The following CORO2B variants were observed in gnomAD, a reference collection of about 807,000 sequenced individuals.
CORO2B encodes the protein coronin 2B.
A neutral mutation model predicts 58.8 loss-of-function variants in CORO2B; 26 were observed. The ratio of observed to expected loss-of-function variants is 0.44; its 90% CI spans 0.32 to 0.61. CORO2B has a LOEUF of 0.61. Ranked by LOEUF, CORO2B falls within the 20% of genes least tolerant of loss-of-function variation. The probability of loss-of-function intolerance (pLI) is 0.04; values close to 1 mark genes in which losing one functional copy is unlikely to be tolerated. For missense variants in CORO2B, 460 were observed against 645.1 expected (o/e 0.71, Z 3.11); for synonymous variants, 242 against 253.8 (o/e 0.95, Z 0.44).
chr15:68,624,526 C>T (rs1489140107), intron 1 of CORO2B, among the ~76,000 whole-genome samples: 6 of 152,120 alleles, frequency 3.9e-5, no homozygotes, highest in Admixed American at 1.3e-4. Flanking sequence ...TAGGAACTAC[C>T]GTCCCTTGGG....
At chr15:68,576,152 C>CAAAAAAAAAAAAAAAAAAA (rs3985627), upstream of CORO2B, among the ~76,000 whole-genome samples, 6 of 62,188 alleles carry the variant, frequency 9.6e-5, no homozygotes, top group Non-Finnish European at 1.6e-4. Context: ...GACTACGTCG[C>CAAAAAAAAAAAAAAAAAAA]AAAAAAAAAA....
intron 1 of CORO2B, among the ~76,000 whole-genome samples, chr15:68,616,255 C>T (rs1900354609): frequency 6.6e-6 from 1 of 152,168 alleles, no homozygotes; most frequent in African/African-American, 2.4e-5. Context: ...TGCCTCTTCC[C>T]CATCACCTCA....
chr15:68,714,670 G>A lies in CORO2B; in HGVS notation c.870+7G>A, dbSNP rs1160972344. The A allele has an allele frequency of 1.2e-6, 2 of 1,607,708 alleles. No individual in the cohort carries two copies. Among genetic ancestry groups the A allele is most frequent in the Admixed American group, 3.3e-5 (2 of 60,016 alleles). On this transcript the variant is annotated splice_region_variant and intron_variant, in intron 7 of 11. Transcript: ENST00000261861. Reference sequence around the variant, plus strand: ...GCTCTACCTGGCTGGAAAGGTAGTAGGAGGTGGGGGAGGGCCCGGGGCAGC... The same window carrying A: ...GCTCTACCTGGCTGGAAAGGTAGTAAGAGGTGGGGGAGGGCCCGGGGCAGC...
the CORO2B span, among the ~76,000 whole-genome samples, chr15:68,570,060 T>C: frequency 2.0e-5 from 3 of 152,178 alleles, no homozygotes; most frequent in African/African-American, 7.2e-5. Flanking sequence ...CAAGAGGCCT[T>C]ACAGAGGTGA....
chr15:68,567,135 C>A, the CORO2B span, among the ~76,000 whole-genome samples: 1 of 152,304 alleles, frequency 6.6e-6, no homozygotes, highest in Non-Finnish European at 1.5e-5. Context: ...AGTTCTGTCT[C>A]ACAGCAAGTC....
Position 68,579,187 on chromosome 15 carries a change from T to TCCGCCGCCGCCCCGGGCCG in CORO2B, c.-62_-44dup, listed in dbSNP as rs878930820. ...CGAGCCGGGAGCTGCCGGACCCCCT[T>TCCGCCGCCGCCCCGGGCCG]CCGCCGCCGCCCCGGGCCGCCGCCG... On this transcript the variant is annotated 5_prime_UTR_variant, in exon 1 of 12. Coordinates refer to ENST00000261861, the MANE Select transcript of CORO2B (RefSeq NM_006091.5). 29 of 989,706 alleles carry TCCGCCGCCGCCCCGGGCCG rather than the reference T, an allele frequency of 2.9e-5. No individual in the cohort carries two copies. Among genetic ancestry groups the TCCGCCGCCGCCCCGGGCCG allele is most frequent in the Admixed American group, 1.9e-4 (3 of 15,826 alleles). The allele number at this position is 989,706 out of a possible 1,614,324, so 61.3% of individuals were successfully genotyped here. A position where few individuals can be genotyped will look rare whatever the true frequency, so the allele number is the denominator to read the frequency against.
chr15:68,639,682 A>AC lies in CORO2B; in HGVS notation c.16-5471dup, dbSNP rs200966912. Among the ~76,000 whole-genome samples the AC allele has an allele frequency of 9.8e-3, 1,488 of 151,508 alleles. 22 individuals are homozygous for AC. The highest frequency in any genetic ancestry group is 0.034 in the African/African-American group (1,386 of 41,254). On this transcript the variant is annotated intron_variant, in intron 1 of 11. Transcript: ENST00000261861. ...CGGAGGTCATCCACCTAAATCTTGA[A>AC]CCCCCCCAGGGATGGGAAGCTGACT... is the stretch of plus-strand genomic sequence containing the variant.
the CORO2B span, among the ~76,000 whole-genome samples, chr15:68,539,169 A>G: frequency 2.0e-5 from 3 of 152,210 alleles, no homozygotes; most frequent in Admixed American, 6.5e-5. Flanking sequence ...CACAAGCTGC[A>G]GGAGCCTGCT....
At chr15:68,693,695 T>C (rs537716735) in intron 2 of CORO2B, among the ~76,000 whole-genome samples, 1 of 152,274 alleles carries the variant, frequency 6.6e-6, no homozygotes, top group East Asian at 1.9e-4. Flanking sequence ...TCCCAGGAAG[T>C]CATGGACTGA....
At chr15:68,587,271 G>A (rs1026983241) in intron 1 of CORO2B, among the ~76,000 whole-genome samples, 1 of 152,136 alleles carries the variant, frequency 6.6e-6, no homozygotes, top group African/African-American at 2.4e-5. Context: ...AGAGAAGGTG[G>A]ATGTTTTACA....
rs770420428 is a variant in CORO2B at position 68,645,267 on chromosome 15, C to T, written c.123C>T (p.His41=). 6.8e-6 allele frequency: 11 copies of T among 1,614,090 alleles called. No individual in the cohort carries two copies. The highest frequency in any genetic ancestry group is 1.3e-5 in the African/African-American group (1 of 74,930). Residue 41 remains histidine (H), a synonymous_variant, in exon 2 of 12, where the codon CAC becomes CAT. Coordinates refer to ENST00000261861, the MANE Select transcript of CORO2B (RefSeq NM_006091.5). The surrounding 1 kb of genome is among the most constrained non-coding windows in gnomAD (Gnocchi z 4.5). The part of the protein sequence containing the change: ...FDGIPITKNV[H]DNHFCAVNTR... ...GGATCCCCATCACCAAGAATGTGCA[C>T]GACAACCACTTCTGTGCCGTCAACA...
the CORO2B span, among the ~76,000 whole-genome samples, chr15:68,552,477 T>TGGG: frequency 9.3e-4 from 116 of 124,826 alleles, no homozygotes; most frequent in Non-Finnish European, 9.3e-4. Flanking sequence ...CGCGGGGGGG[T>TGGG]GGGGGGGGCA....
chr15:68,708,502 A>G lies in CORO2B; in HGVS notation c.334-2230A>G, dbSNP rs192130601. ...CAGCAGCCCAAGTGGCTGGGACTAC[A>G]GGTGCCTGCCACTACGCCTGGCTAA... On this transcript the variant is annotated intron_variant, in intron 3 of 11. Transcript: ENST00000261861. Among the ~76,000 whole-genome samples the G allele has an allele frequency of 2.0e-5, 3 of 151,260 alleles. No individual in the cohort carries two copies. In the East Asian group the frequency reaches 5.8e-4, roughly 29 times the overall value.
chr15:68,706,026 T>C (rs1002460044), intron 3 of CORO2B, among the ~76,000 whole-genome samples: 1 of 152,122 alleles, frequency 6.6e-6, no homozygotes, highest in Non-Finnish European at 1.5e-5. Flanking sequence ...AGTTACTGGG[T>C]TGCTCAGGAA....
intron 1 of CORO2B, among the ~76,000 whole-genome samples, chr15:68,608,675 C>A (rs992393927): frequency 6.6e-6 from 1 of 152,192 alleles, no homozygotes; most frequent in Non-Finnish European, 1.5e-5. Context: ...AGGGAGGGAA[C>A]TCCCCATGAA....
intron 2 of CORO2B, among the ~76,000 whole-genome samples, chr15:68,674,838 A>C (rs1902523805): frequency 6.6e-6 from 1 of 152,148 alleles, no homozygotes; most frequent in Admixed American, 6.5e-5. Context: ...CTTCAGGAAT[A>C]TTCTCAAAGC....
intron 1 of CORO2B, among the ~76,000 whole-genome samples, chr15:68,623,531 T>A (rs1900584774): frequency 7.2e-6 from 1 of 139,710 alleles, no homozygotes; most frequent in Non-Finnish European, 1.5e-5. Context: ...GTGAGTGAGG[T>A]CAGCCTCTCC....
chr15:68,530,236 A>G, the CORO2B span, among the ~76,000 whole-genome samples: 4 of 152,164 alleles, frequency 2.6e-5, no homozygotes, highest in Non-Finnish European at 4.4e-5. Flanking sequence ...GAGGCAGGAG[A>G]ATGGTGTGAA....
chr15:68,612,493 G>C (rs1023612694), intron 1 of CORO2B, among the ~76,000 whole-genome samples: 7 of 152,224 alleles, frequency 4.6e-5, no homozygotes, highest in African/African-American at 1.7e-4. Flanking sequence ...TGAGTGCTCT[G>C]AGGTCTGGGG....
Sources: allele counts gnomAD v4.1 joint callset (sites outside exome capture counted in the v4.1 genomes callset), GRCh38; gene constraint gnomAD v4.1.1; non-coding constraint Gnocchi (gnomAD v3.1); transcripts MANE v1.5; gene names NCBI Gene and HGNC (gene_info 2026-07-23, HGNC 2026-07-21).